The following MEGF6 variants were observed in gnomAD, a reference collection of about 807,000 sequenced individuals.
The protein encoded by MEGF6 is multiple EGF like domains 6.
Under a neutral mutation model 207.1 loss-of-function variants are expected in MEGF6, and 184 were observed. That is an observed-to-expected ratio of 0.89 (90% CI 0.79 to 1.00). MEGF6 has a LOEUF of 1.00. Ranked by LOEUF, MEGF6 falls within the 50% of genes least tolerant of loss-of-function variation. MEGF6 has a pLI of 0.00. For missense variants in MEGF6, 2,282 were observed against 2,202.9 expected, an observed-to-expected ratio of 1.04 and a Z score of -0.72; for synonymous variants, 1,038 against 910.0, an observed-to-expected ratio of 1.14 and a Z score of -2.53.
At position 3,560,273 on chromosome 1, in the gene MEGF6, C is replaced by G. The variant is rs72633402; in HGVS notation, c.481+19552G>C. On this transcript the variant is annotated intron_variant, in intron 4 of 36. Coordinates refer to ENST00000356575, the MANE Select transcript of MEGF6 (RefSeq NM_001409.4). This position sits in a 1 kb window ranked among gnomAD's most constrained non-coding sequence, Gnocchi z 4.0. ...TCATTCAATCCTCCATTGGAATGAC[C>G]GCTTGGTACAGCGGACGAGCCCACG... 0.032 allele frequency among the ~76,000 whole-genome samples: 4,936 copies of G among 152,238 alleles called. 119 individuals are homozygous for G. The highest frequency in any genetic ancestry group is 0.061 in the Middle Eastern group (18 of 294).
chr1:3,582,978 C>G (rs181529572), intron 3 of MEGF6, among the ~76,000 whole-genome samples: 2 of 152,144 alleles, frequency 1.3e-5, no homozygotes, highest in South Asian at 4.1e-4. Flanking sequence ...AGTTCCGACA[C>G]GCAGGTGCAC....
Position 3,568,243 on chromosome 1 carries a change from T to G in MEGF6, c.481+11582A>C, listed in dbSNP as rs1004787867. Among the ~76,000 whole-genome samples the G allele has an allele frequency of 4.6e-5, 7 of 152,226 alleles. 2 individuals are homozygous for G. The highest frequency in any genetic ancestry group is 3.9e-4 in the East Asian group (2 of 5,166). On this transcript the variant is annotated intron_variant, in intron 4 of 36. Coordinates refer to ENST00000356575, the MANE Select transcript of MEGF6 (RefSeq NM_001409.4). ...TGAAGTGTGCAGGACCTGCCATGAATGTGTCATAGACACACTGGGCCTTAG... is the reference window on the plus strand; with the variant it reads ...TGAAGTGTGCAGGACCTGCCATGAAGGTGTCATAGACACACTGGGCCTTAG...
intron 4 of MEGF6, among the ~76,000 whole-genome samples, chr1:3,558,698 G>A (rs1219808836): frequency 2.0e-5 from 3 of 152,210 alleles, no homozygotes; most frequent in Admixed American, 2.0e-4. Flanking sequence ...TCTGTTCGGT[G>A]TGCTCTTGCG....
chr1:3,520,200 G>T (rs561421840), intron 5 of MEGF6, among the ~76,000 whole-genome samples: 2 of 152,364 alleles, frequency 1.3e-5, no homozygotes, highest in South Asian at 4.1e-4. Flanking sequence ...CAAGGCACAT[G>T]AGGGAACAGC....
chr1:3,539,802 C>T (rs1421800112), intron 4 of MEGF6, among the ~76,000 whole-genome samples: 1 of 152,192 alleles, frequency 6.6e-6, no homozygotes, highest in African/African-American at 2.4e-5. Flanking sequence ...CAGGCCCAGG[C>T]TTATCTTCCC....
chr1:3,604,990 C>T (rs1032727902), intron 1 of MEGF6, among the ~76,000 whole-genome samples: 1 of 152,088 alleles, frequency 6.6e-6, no homozygotes, highest in Admixed American at 6.5e-5. Flanking sequence ...CCCACCCCAC[C>T]CTGCTGTGAC....
upstream of MEGF6, among the ~76,000 whole-genome samples, chr1:3,613,336 G>A (rs1644351742): frequency 6.6e-6 from 1 of 152,180 alleles, no homozygotes; most frequent in Non-Finnish European, 1.5e-5. Context: ...CTTCTGCGCT[G>A]GGCCCCTGTC....
intron 4 of MEGF6, chr1:3,531,063 G>C: frequency 6.6e-7 from 1 of 1,511,350 alleles, no homozygotes; most frequent in Non-Finnish European, 8.8e-7. Context: ...CCCTGCCCAG[G>C]CTCGCCCGGC....
At position 3,490,503 on chromosome 1, in the gene MEGF6, G is replaced by A. The variant is rs559122601; in HGVS notation, c.*25C>T. 1.2e-6 allele frequency: 2 copies of A among 1,611,820 alleles called. No individual in the cohort carries two copies. The highest frequency in any genetic ancestry group is 2.2e-5 in the South Asian group (2 of 91,042). On this transcript the variant is annotated 3_prime_UTR_variant, in exon 37 of 37. Transcript: ENST00000356575. ...GGTCCCCTCTGGCTGGGACTGGAGA[G>A]GCGGGCTCCACGGGACTGCCTCTAC...
chr1:3,593,408 C>T (rs1312900528), intron 3 of MEGF6, among the ~76,000 whole-genome samples: 1 of 151,946 alleles, frequency 6.6e-6, no homozygotes, highest in South Asian at 2.1e-4. Context: ...CCTGCAGTTG[C>T]CTTCCCCGCC....
rs182811478 is a variant in MEGF6, at chr1:3,578,055, G to A, written c.481+1770C>T. The stretch of plus-strand genomic sequence containing the variant: ...ATGAGGTGGGAGGAGGGGACTGACG[G>A]TGGGCAGAAGGCCAGCCCTGAGGGG... On this transcript the variant is annotated intron_variant, in intron 4 of 36. Transcript: ENST00000356575. 3.4e-3 allele frequency among the ~76,000 whole-genome samples: 517 copies of A among 152,320 alleles called. 3 individuals are homozygous for A. The highest frequency in any genetic ancestry group is 4.2e-3 in the Non-Finnish European group (288 of 68,016).
chr1:3,586,020 G>C (rs925566607), intron 3 of MEGF6, among the ~76,000 whole-genome samples: 2 of 151,016 alleles, frequency 1.3e-5, no homozygotes, highest in Non-Finnish European at 1.5e-5. Flanking sequence ...TGTCCTGTGT[G>C]TGGGTGTGTG....
At chr1:3,547,976 C>A (rs1490872505) in intron 4 of MEGF6, among the ~76,000 whole-genome samples, 1 of 152,184 alleles carries the variant, frequency 6.6e-6, no homozygotes, top group Non-Finnish European at 1.5e-5. Context: ...GACCAGGCGC[C>A]TCTGCCCACC....
intron 11 of MEGF6, among the ~76,000 whole-genome samples, chr1:3,509,479 G>A (rs1276736456): frequency 6.6e-6 from 1 of 152,188 alleles, no homozygotes; most frequent in Admixed American, 6.5e-5. Flanking sequence ...CGGCCCCTCT[G>A]CCCCCAGCCT....
chr1:3,503,939 T>G (rs185301959), intron 17 of MEGF6, among the ~76,000 whole-genome samples: 4 of 152,246 alleles, frequency 2.6e-5, no homozygotes, highest in Admixed American at 2.6e-4. Flanking sequence ...TGGCCTAGAG[T>G]GCTCCGGCCC....
chr1:3,592,647 G>A (rs1323916952), intron 3 of MEGF6, among the ~76,000 whole-genome samples: 1 of 152,154 alleles, frequency 6.6e-6, no homozygotes, highest in Non-Finnish European at 1.5e-5. Context: ...GCGCCAGGCA[G>A]CACCCCTCCC....
chr1:3,591,130 GA>G (rs1158676397), intron 3 of MEGF6, among the ~76,000 whole-genome samples: 8 of 152,088 alleles, frequency 5.3e-5, no homozygotes, highest in Non-Finnish European at 1.2e-4. Context: ...ACAAGCCCCC[GA>G]CCCCACCAGC....
intron 4 of MEGF6, among the ~76,000 whole-genome samples, chr1:3,553,243 C>T (rs2101601057): frequency 6.6e-6 from 1 of 151,714 alleles, no homozygotes; most frequent in East Asian, 2.0e-4. Flanking sequence ...ATCGGCTTTC[C>T]CACCAGGGGC....
At chr1:3,591,434 G>A (rs1643976020) in intron 3 of MEGF6, among the ~76,000 whole-genome samples, 1 of 152,154 alleles carries the variant, frequency 6.6e-6, no homozygotes, top group African/African-American at 2.4e-5. Flanking sequence ...GTCACCACAG[G>A]CCAAGCAGAC....
Sources: gnomAD v4.1 joint callset for allele counts (sites outside exome capture counted in the v4.1 genomes callset) on GRCh38, gnomAD v4.1.1 for gene constraint, Gnocchi (gnomAD v3.1) non-coding constraint, MANE v1.5 for transcripts, NCBI Gene and HGNC (gene_info 2026-07-23, HGNC 2026-07-21) for gene names.